Variants in GEN1 observed in about 807,000 individuals in gnomAD.
GEN1 encodes GEN1 structure-specific endonuclease, also known as flap endonuclease GEN homolog 1.
A neutral mutation model predicts 67.6 loss-of-function variants in GEN1; 64 were observed. That is an observed-to-expected ratio of 0.95 (90% CI 0.77 to 1.17). The LOEUF is 1.17. Among genes scored for constraint, GEN1 ranks in the 50% most tolerant of loss-of-function variants. The probability of loss-of-function intolerance (pLI) is 0.00; values close to 1 mark genes in which losing one functional copy is unlikely to be tolerated. For synonymous variants in GEN1, 371 were observed against 359.4 expected (o/e 1.03, Z -0.37); for missense variants, 1,058 against 1,048.3 (o/e 1.01, Z -0.13).
chr2:17,771,672 G>T (rs1268656656), intron 7 of GEN1, among the ~76,000 whole-genome samples: 1 of 151,752 alleles, frequency 6.6e-6, no homozygotes, highest in Non-Finnish European at 1.5e-5. Context: ...CTACTTAAAT[G>T]ATTCTTCATT....
At position 17,771,291 on chromosome 2, in the gene GEN1, A is replaced by G; in HGVS notation, c.802+4A>G. 3 of 1,544,378 alleles carry G rather than the reference A, an allele frequency of 1.9e-6. No homozygotes were observed. Among genetic ancestry groups the G allele is most frequent in the Non-Finnish European group, 2.7e-6 (3 of 1,116,990 alleles). The stretch of plus-strand genomic sequence containing the variant: ...TGTTCCGTATGTTCCCATCCAGGTA[A>G]GGAGACATAGGGAATGGTTATTAGT... On this transcript the variant is annotated splice_donor_region_variant and intron_variant, in intron 7 of 13. Coordinates refer to ENST00000381254, the MANE Select transcript of GEN1 (RefSeq NM_001130009.3).
At chr2:17,772,044 G>A (rs1247902874) in intron 7 of GEN1, among the ~76,000 whole-genome samples, 1 of 151,778 alleles carries the variant, frequency 6.6e-6, no homozygotes, top group Admixed American at 6.6e-5. Context: ...AAGTATATGT[G>A]CTCTTACATA....
At chr2:17,769,113 G>A (rs1249044336) in intron 6 of GEN1, among the ~76,000 whole-genome samples, 3 of 151,934 alleles carry the variant, frequency 2.0e-5, no homozygotes, top group Non-Finnish European at 2.9e-5. Flanking sequence ...TCAACCTGCC[G>A]GAGTCAAGTG....
At chr2:17,762,647 G>T (rs1380092375) in intron 3 of GEN1, among the ~76,000 whole-genome samples, 3 of 152,056 alleles carry the variant, frequency 2.0e-5, no homozygotes. Flanking sequence ...AACTTGTAGT[G>T]GTTGTGCAAC....
chr2:17,780,724 T>A lies in GEN1; in HGVS notation c.1512T>A (p.Asn504Lys). 6.2e-7 allele frequency: 1 copy of A among 1,613,958 alleles called. No individual in the cohort carries two copies. Among genetic ancestry groups the A allele is most frequent in the Non-Finnish European group, 8.5e-7 (1 of 1,179,882 alleles). ...KPTCEIFHKQ[N>K]SKLNSGISPD... Reference sequence around the variant, plus strand: ...CATGTGAAATCTTTCATAAGCAGAATTCCAAGTTAAATTCGGGGATTTCCC... The same window carrying A: ...CATGTGAAATCTTTCATAAGCAGAAATCCAAGTTAAATTCGGGGATTTCCC... The change falls in exon 14 of 14, where the codon AAT (asparagine) becomes AAA (lysine). Residue 504 changes from asparagine to lysine, a missense_variant. Asn to Lys is a moderately conservative substitution (Grantham distance 94). Coordinates refer to ENST00000381254, the MANE Select transcript of GEN1 (RefSeq NM_001130009.3).
At position 17,786,044 on chromosome 2, in the gene GEN1, C is replaced by T. The variant is rs1328691197; in HGVS notation, c.*4105C>T. The T allele has an allele frequency of 6.6e-6, 1 of 152,210 alleles. No individual in the cohort carries two copies. Among genetic ancestry groups the T allele is most frequent in the Non-Finnish European group, 1.5e-5 (1 of 68,046 alleles). The allele number at this position is 152,210 out of a possible 1,614,324, so 9.4% of individuals were successfully genotyped here. ...ATTCTTTTCTGCTAACAGATTTTCT[C>T]TGTGACCCTGGAGACATTTTCTAAC... On this transcript the variant is annotated 3_prime_UTR_variant, in exon 14 of 14. Coordinates refer to ENST00000381254, the MANE Select transcript of GEN1 (RefSeq NM_001130009.3).
Position 17,786,616 on chromosome 2 carries a change from CTCCTAATTCATGAGTGAAAACAAT to C in GEN1, c.*4680_*4703del, listed in dbSNP as rs569136957. On this transcript the variant is annotated 3_prime_UTR_variant, in exon 14 of 14. Coordinates refer to ENST00000381254, the MANE Select transcript of GEN1 (RefSeq NM_001130009.3). Reference sequence around the variant, plus strand: ...TTAAAGCTGGGACTAGAACTCAGATCTCCTAATTCATGAGTGAAAACAATTCTCTGTATTTATGTTTCCATACAT... The same window carrying C: ...TTAAAGCTGGGACTAGAACTCAGATCTCTCTGTATTTATGTTTCCATACAT... 2 of 152,322 alleles carry C rather than the reference CTCCTAATTCATGAGTGAAAACAAT, an allele frequency of 1.3e-5. No homozygotes were observed. Among genetic ancestry groups the C allele is most frequent in the East Asian group, 3.9e-4 (2 of 5,186 alleles). 9.4% of individuals were successfully genotyped at this position (152,322 alleles called of 1,614,324 possible). A position where few individuals can be genotyped will look rare whatever the true frequency, so the allele number is the denominator to read the frequency against.
At position 17,768,813 on chromosome 2, in the gene GEN1, T is replaced by G; in HGVS notation, c.710+2T>G. Reference sequence around the variant, plus strand: ...GAAAGGGCAAAGTTTACTTCAGAGGTAACTAATAATTACTTTCTCTTGTGA... The same window carrying G: ...GAAAGGGCAAAGTTTACTTCAGAGGGAACTAATAATTACTTTCTCTTGTGA... On this transcript the variant is annotated splice_donor_variant, in intron 6 of 13. Transcript: ENST00000381254. LOFTEE classifies it high-confidence loss of function. The G allele has an allele frequency of 6.4e-7, 1 of 1,556,064 alleles. No individual in the cohort carries two copies.
chr2:17,764,759 A>C (rs1671843388), intron 3 of GEN1, 138 bp from the exon 4 acceptor site: 2 of 730,420 alleles, frequency 2.7e-6, no homozygotes, highest in Non-Finnish European at 4.1e-6. Flanking sequence ...CAAATTTCCA[A>C]GTGTTTCTTA....
intron 12 of GEN1, 119 bp downstream of exon 12, chr2:17,778,182 A>G (rs1672542228): frequency 7.3e-6 from 3 of 411,208 alleles, no homozygotes; most frequent in Middle Eastern, 6.7e-4. Flanking sequence ...GTGTATATAT[A>G]TATATACACA....
chr2:17,775,721 T>C (rs1398841396), intron 11 of GEN1, among the ~76,000 whole-genome samples: 5 of 152,174 alleles, frequency 3.3e-5, no homozygotes, highest in Non-Finnish European at 7.3e-5. Flanking sequence ...AGAAATCCAG[T>C]GGACATCAGT....
In GEN1 at chr2:17,760,410, C is replaced by A. The variant is rs942676986; in HGVS notation, c.161+306C>A. Among the ~76,000 whole-genome samples the A allele has an allele frequency of 4.6e-5, 7 of 152,122 alleles. No individual in the cohort carries two copies. In the East Asian group the frequency reaches 1.4e-3, roughly 29 times the overall value. On this transcript the variant is annotated intron_variant, in intron 2 of 13. Coordinates refer to ENST00000381254, the MANE Select transcript of GEN1 (RefSeq NM_001130009.3). ...TATTTTACTTCTCTCCACATCTAAT[C>A]CGTCAGTAAGTCTTGCCAGTTCTAC...
chr2:17,781,026 CT>C lies in GEN1; in HGVS notation c.1819del (p.Ser607LeufsTer4). On this transcript the variant is annotated frameshift_variant, in exon 14 of 14. Transcript: ENST00000381254. LOFTEE classifies it low-confidence loss of function (END_TRUNC). ...FSNSPAIQRN[T>X]FSHDLKSEVE... is the part of the protein sequence containing the mutation. The stretch of plus-strand genomic sequence containing the variant: ...AATTCTCCAGCTATTCAAAGGAATA[CT>C]TTTTCTCATGATTTAAAATCAGAAG... 6.2e-7 allele frequency: 1 copy of C among 1,613,810 alleles called. No homozygotes were observed.
At chr2:17,778,130 G>GTA in intron 12 of GEN1, 67 bp downstream of exon 12, 1 of 666,616 alleles carries the variant, frequency 1.5e-6, no homozygotes, top group Non-Finnish European at 2.6e-6. Context: ...AGTAAATATT[G>GTA]TATATGTGTA....
chr2:17,780,717 AG>A lies in GEN1; in HGVS notation c.1506del (p.Lys502AsnfsTer6). ...TLKPTCEIFHKQNSKLNSGIS... is the reference protein window; with the variant it reads ...TLKPTCEIFHXQNSKLNSGIS... ...AAACCCACATGTGAAATCTTTCATA[AG>A]CAGAATTCCAAGTTAAATTCGGGGA... On this transcript the variant is annotated frameshift_variant, in exon 14 of 14. Transcript: ENST00000381254. LOFTEE classifies it low-confidence loss of function (END_TRUNC). The A allele has an allele frequency of 6.2e-7, 1 of 1,614,018 alleles. No homozygotes were observed. The highest frequency in any genetic ancestry group is 8.5e-7 in the Non-Finnish European group (1 of 1,179,914).
intron 10 of GEN1, among the ~76,000 whole-genome samples, 172 bp from the exon 11 acceptor site, chr2:17,774,099 A>C (rs1672319821): frequency 6.6e-6 from 1 of 152,122 alleles, no homozygotes; most frequent in Non-Finnish European, 1.5e-5. Flanking sequence ...TTCACTCTTA[A>C]TCATTATGCA....
At chr2:17,775,391 G>GT (rs1437004186) in intron 11 of GEN1, among the ~76,000 whole-genome samples, 1 of 152,198 alleles carries the variant, frequency 6.6e-6, no homozygotes, top group Non-Finnish European at 1.5e-5. Context: ...CTTAAGAGTA[G>GT]TTTTGGATTA....
In GEN1 at chr2:17,780,922, C is replaced by G. The variant is rs1558412591; in HGVS notation, c.1710C>G (p.Pro570=). Residue 570 remains proline (P), a synonymous_variant, in exon 14 of 14, where the codon CCC becomes CCG. Coordinates refer to ENST00000381254, the MANE Select transcript of GEN1 (RefSeq NM_001130009.3). ...CTCTAATTTCAGAATCTAGTCAACC[C>G]AATACCTCATCTCATAATATATCCG... ...SKSLISESSQ[P]NTSSHNISVI... 2 of 1,613,768 alleles carry G rather than the reference C, an allele frequency of 1.2e-6. No homozygotes were observed. Among genetic ancestry groups the G allele is most frequent in the Non-Finnish European group, 1.7e-6 (2 of 1,179,912 alleles).
At chr2:17,779,194 A>G (rs300166) in intron 12 of GEN1, among the ~76,000 whole-genome samples, 35,704 of 152,176 alleles carry the variant, frequency 0.23, 6,053 homozygotes, top group East Asian at 0.86. Context: ...AAGTGCTGGG[A>G]TTACAGGCGT....
Sources: allele counts gnomAD v4.1 joint callset (sites outside exome capture counted in the v4.1 genomes callset), GRCh38; gene constraint gnomAD v4.1.1; transcripts MANE v1.5; gene names NCBI Gene and HGNC (gene_info 2026-07-23, HGNC 2026-07-21).